The following MTHFD2L variants were observed in gnomAD, a reference collection of about 807,000 sequenced individuals.
The protein encoded by MTHFD2L is methylenetetrahydrofolate dehydrogenase (NADP+ dependent) 2 like, also known as bifunctional methylenetetrahydrofolate dehydrogenase/cyclohydrolase 2, mitochondrial.
Under a neutral mutation model 34.9 loss-of-function variants are expected in MTHFD2L, and 29 were observed. The ratio of observed to expected loss-of-function variants is 0.83; its 90% CI spans 0.62 to 1.13. MTHFD2L has a LOEUF of 1.13. MTHFD2L is among the 50% of genes most tolerant of loss of function. The probability of loss-of-function intolerance (pLI) is 0.00; values close to 1 mark genes in which losing one functional copy is unlikely to be tolerated. For synonymous variants in MTHFD2L, 167 were observed against 155.7 expected (o/e 1.07, Z -0.54); for missense variants, 481 against 446.5 (o/e 1.08, Z -0.70).
At chr4:74,255,659 A>G (rs1743935663) in intron 6 of MTHFD2L, among the ~76,000 whole-genome samples, 1 of 152,070 alleles carries the variant, frequency 6.6e-6, no homozygotes, top group Non-Finnish European at 1.5e-5. Context: ...TTCCACTTCT[A>G]GTAGTCTCCA....
chr4:74,116,549 G>GA (rs1250894214), intron 2 of MTHFD2L, among the ~76,000 whole-genome samples: 7 of 152,300 alleles, frequency 4.6e-5, no homozygotes, highest in South Asian at 2.1e-4. Context: ...CCAAGGCCCT[G>GA]AAAAAAGCCT....
intron 6 of MTHFD2L, among the ~76,000 whole-genome samples, chr4:74,258,905 TA>T (rs1004653124): frequency 2.0e-5 from 3 of 151,874 alleles, no homozygotes; most frequent in Non-Finnish European, 2.9e-5. Context: ...CAGTCCCCAG[TA>T]AAAAAAATAA....
intron 6 of MTHFD2L, among the ~76,000 whole-genome samples, chr4:74,240,030 G>T (rs528197331): frequency 4.4e-4 from 67 of 152,226 alleles, no homozygotes; most frequent in Middle Eastern, 3.4e-3. Context: ...TGTGTACTAA[G>T]AGTAACATAC....
At chr4:74,227,566 A>C (rs1333743453) in intron 6 of MTHFD2L, among the ~76,000 whole-genome samples, 1 of 151,858 alleles carries the variant, frequency 6.6e-6, no homozygotes, top group Non-Finnish European at 1.5e-5. Context: ...TGCTTGATGT[A>C]TTCCAGAACA....
upstream of MTHFD2L, chr4:74,156,678 A>G (rs553778879): frequency 6.6e-6 from 1 of 152,320 alleles, no homozygotes; most frequent in South Asian, 2.1e-4. Flanking sequence ...ACCAACAATG[A>G]ATGAGAGTTC....
At chr4:74,153,371 G>A (rs1048195709), upstream of MTHFD2L, among the ~76,000 whole-genome samples, 1 of 152,098 alleles carries the variant, frequency 6.6e-6, no homozygotes, top group African/African-American at 2.4e-5. Flanking sequence ...ATAATTACAT[G>A]GACGCATATA....
intron 5 of MTHFD2L, among the ~76,000 whole-genome samples, chr4:74,208,303 A>ATTTCAGTGTCTTCTAAAT (rs1553910513): frequency 3.3e-5 from 5 of 151,816 alleles, no homozygotes; most frequent in Admixed American, 3.3e-4. Flanking sequence ...TGTCTTCTAA[A>ATTTCAGTGTCTTCTAAAT]TTCAGTGTCT....
chr4:74,265,293 T>A (rs1014596869), intron 6 of MTHFD2L, among the ~76,000 whole-genome samples: 3 of 152,188 alleles, frequency 2.0e-5, no homozygotes, highest in African/African-American at 7.2e-5. Flanking sequence ...TGTGGGTTTG[T>A]GTGATGCACT....
chr4:74,123,526 A>AAAAAAGG (rs1216587741), upstream of MTHFD2L: 4 of 152,202 alleles, frequency 2.6e-5, no homozygotes, highest in African/African-American at 4.8e-5. Flanking sequence ...TTAAAACAAA[A>AAAAAAGG]AAAAATCCCC....
chr4:74,183,158 G>C (rs1304016792), intron 3 of MTHFD2L: 1 of 151,984 alleles, frequency 6.6e-6, no homozygotes, highest in African/African-American at 2.4e-5. Context: ...AGAGGACAGT[G>C]ACAGAATATT....
chr4:74,299,759 AC>A (rs1750061767), intron 7 of MTHFD2L, among the ~76,000 whole-genome samples: 1 of 152,048 alleles, frequency 6.6e-6, no homozygotes, highest in Admixed American at 6.6e-5. Context: ...AAGATTAAAA[AC>A]AACCACCACA....
intron 2 of MTHFD2L, 144 bp downstream of exon 2, chr4:74,174,834 T>G: frequency 1.7e-6 from 1 of 591,400 alleles, no homozygotes. Context: ...TTACCAAAGC[T>G]TATGTTAATT....
intron 5 of MTHFD2L, among the ~76,000 whole-genome samples, chr4:74,222,453 C>T (rs1244890698): frequency 1.3e-5 from 2 of 152,078 alleles, no homozygotes; most frequent in Admixed American, 6.6e-5. Flanking sequence ...AAGGAACCCA[C>T]TCCTGCAATA....
In MTHFD2L at chr4:74,198,585, C is replaced by A. The variant is rs1388304680; in HGVS notation, c.452-1209C>A. Among the ~76,000 whole-genome samples, 3 of 152,204 alleles carry A rather than the reference C, an allele frequency of 2.0e-5. No homozygotes were observed. In the East Asian group the frequency reaches 5.8e-4, roughly 29 times the overall value. ...AGGTGATTTAAAAATGACTTATCAT[C>A]ATCATCACCTAGATTTTTTTTAAAA... On this transcript the variant is annotated intron_variant, in intron 3 of 7. Transcript: ENST00000325278.
chr4:74,286,588 T>C (rs1311417523), intron 7 of MTHFD2L, among the ~76,000 whole-genome samples: 3 of 152,214 alleles, frequency 2.0e-5, no homozygotes, highest in Non-Finnish European at 2.9e-5. Context: ...ATCAAATGGA[T>C]TTGATCAGCT....
At chr4:74,257,576 CTA>C (rs1388668947) in intron 6 of MTHFD2L, among the ~76,000 whole-genome samples, 3 of 152,194 alleles carry the variant, frequency 2.0e-5, no homozygotes, top group East Asian at 1.9e-4. Flanking sequence ...ACAGTTATAA[CTA>C]TGTGTGTATC....
chr4:74,237,205 C>A (rs1204197698), intron 6 of MTHFD2L, among the ~76,000 whole-genome samples: 1 of 152,152 alleles, frequency 6.6e-6, no homozygotes, highest in Non-Finnish European at 1.5e-5. Flanking sequence ...TATAGTGGGA[C>A]AGCACTGGAG....
chr4:74,119,971 G>C (rs1269060288), upstream of MTHFD2L, among the ~76,000 whole-genome samples: 2 of 151,646 alleles, frequency 1.3e-5, no homozygotes, highest in African/African-American at 2.4e-5. Context: ...CAAGACTTTG[G>C]AGTTTTTCAA....
In MTHFD2L at chr4:74,261,368, A is replaced by G. The variant is rs529268363; in HGVS notation, c.806-20057A>G. ...AATTAGAAAATGTAATAGAAAATAT[A>G]TTCCACTCACAGTAGTAATAAAACT... On this transcript the variant is annotated intron_variant, in intron 6 of 7. Coordinates refer to ENST00000325278, the MANE Select transcript of MTHFD2L (RefSeq NM_001144978.3). Among the ~76,000 whole-genome samples the G allele has an allele frequency of 1.8e-4, 27 of 150,268 alleles. No individual in the cohort carries two copies. In the South Asian group the frequency reaches 5.5e-3, roughly 30 times the overall value.
Sources: gnomAD v4.1 joint callset for allele counts (sites outside exome capture counted in the v4.1 genomes callset) on GRCh38, gnomAD v4.1.1 for gene constraint, MANE v1.5 for transcripts, NCBI Gene and HGNC (gene_info 2026-07-23, HGNC 2026-07-21) for gene names.